The following MINDY4B variants were observed in gnomAD, a reference collection of about 807,000 sequenced individuals.
MINDY4B encodes the protein inactive ubiquitin carboxyl-terminal hydrolase MINDY-4B.
MINDY4B carries 25 observed loss-of-function variants against 16.7 expected under a neutral mutation model. The observed-to-expected ratio is 1.49, with a 90% confidence interval of 1.09 to 2.09. The LOEUF is 2.09. Among genes scored for constraint, MINDY4B ranks in the 30% most tolerant of loss-of-function variants. The pLI is 0.00. For missense variants in MINDY4B, 327 were observed against 168.4 expected (o/e 1.94, Z -5.21); for synonymous variants, 132 against 61.9 (o/e 2.13, Z -5.32).
chr3:150,897,846 T>TCTGGAA (rs1712017824), intron 3 of MINDY4B, among the ~76,000 whole-genome samples: 1 of 152,162 alleles, frequency 6.6e-6, no homozygotes, highest in Non-Finnish European at 1.5e-5. Flanking sequence ...GACACAGACT[T>TCTGGAA]GGTGTGTGCT....
At chr3:150,896,476 AGAGTT>A (rs1354197970) in intron 3 of MINDY4B, among the ~76,000 whole-genome samples, 3 of 152,112 alleles carry the variant, frequency 2.0e-5, no homozygotes, top group Non-Finnish European at 4.4e-5. Context: ...CCATATTACC[AGAGTT>A]GGTTTTCTTG....
intron 10 of MINDY4B, among the ~76,000 whole-genome samples, chr3:150,874,813 ATCT>A (rs1717054492): frequency 6.6e-6 from 1 of 152,204 alleles, no homozygotes; most frequent in Non-Finnish European, 1.5e-5. Flanking sequence ...CTCTATTCAA[ATCT>A]TTTTGTTTCC....
At chr3:150,879,155 C>T (rs1402090651) in intron 10 of MINDY4B, among the ~76,000 whole-genome samples, 1 of 152,228 alleles carries the variant, frequency 6.6e-6, no homozygotes, top group Non-Finnish European at 1.5e-5. Context: ...AGAAGATATA[C>T]TCTTTCTTGT....
intron 10 of MINDY4B, among the ~76,000 whole-genome samples, chr3:150,876,738 C>T (rs1042354330): frequency 3.3e-5 from 5 of 151,956 alleles, no homozygotes; most frequent in East Asian, 1.9e-4. Flanking sequence ...CCAGGGCTGC[C>T]GTAGGAGTAA....
At chr3:150,893,699 G>C (rs866062644) in intron 4 of MINDY4B, among the ~76,000 whole-genome samples, 13 of 72,438 alleles carry the variant, frequency 1.8e-4, no homozygotes, top group East Asian at 1.3e-3. Context: ...TTTTTTTTGG[G>C]GGGGGGGGTG....
intron 6 of MINDY4B, chr3:150,890,603 T>C: frequency 4.1e-6 from 2 of 491,504 alleles, no homozygotes; most frequent in Non-Finnish European, 7.2e-6. Context: ...TTTAAAATCA[T>C]GTAATATCTT....
chr3:150,876,898 C>A (rs574445), intron 10 of MINDY4B, among the ~76,000 whole-genome samples: 28 of 151,872 alleles, frequency 1.8e-4, no homozygotes, highest in African/African-American at 6.8e-4. Context: ...GGTATTGGAA[C>A]CTCACACTCA....
At chr3:150,904,249 G>T (rs1712189145) in intron 2 of MINDY4B, among the ~76,000 whole-genome samples, 1 of 152,020 alleles carries the variant, frequency 6.6e-6, no homozygotes, top group African/African-American at 2.4e-5. Context: ...TTCTTTTAAA[G>T]ATTGTTTTAT....
At chr3:150,880,030 A>G (rs1470044168) in intron 10 of MINDY4B, among the ~76,000 whole-genome samples, 1 of 152,260 alleles carries the variant, frequency 6.6e-6, no homozygotes, top group Non-Finnish European at 1.5e-5. Flanking sequence ...TTATATGTCT[A>G]TAGAATATTC....
At chr3:150,891,170 G>A in intron 5 of MINDY4B, 67 bp from the exon 6 acceptor site, 2 of 663,886 alleles carry the variant, frequency 3.0e-6, no homozygotes, top group South Asian at 1.5e-5. Flanking sequence ...GAGATGGGAA[G>A]TAATTTGCTC....
At chr3:150,890,805 T>G in intron 6 of MINDY4B, 133 bp downstream of exon 6, 2 of 603,706 alleles carry the variant, frequency 3.3e-6, no homozygotes, top group Non-Finnish European at 6.0e-6. Flanking sequence ...CCTTGGTACC[T>G]GCCTCTTTGG....
Position 150,899,705 on chromosome 3 carries a change from G to A in MINDY4B, c.309+3544C>T, listed in dbSNP as rs116837567. Among the ~76,000 whole-genome samples, 505 of 152,214 alleles carry A rather than the reference G, an allele frequency of 3.3e-3. 4 individuals are homozygous for A. Among genetic ancestry groups the A allele is most frequent in the African/African-American group, 0.012 (478 of 41,532 alleles). ...CTCTCTACTGGGCAGAGGGTAGGTC[G>A]GAGAAGAGTGGACCATGCATCTGGA... On this transcript the variant is annotated intron_variant, in intron 3 of 11. Coordinates refer to ENST00000465419, the MANE Select transcript of MINDY4B (RefSeq NM_001351281.2).
chr3:150,871,828 G>C (rs1485410363), intron 11 of MINDY4B, among the ~76,000 whole-genome samples: 1 of 152,144 alleles, frequency 6.6e-6, no homozygotes, highest in African/African-American at 2.4e-5. Context: ...CTGGGCGACA[G>C]AGTGAGACTC....
chr3:150,872,235 A>T (rs562776915), intron 11 of MINDY4B, among the ~76,000 whole-genome samples: 1 of 152,372 alleles, frequency 6.6e-6, no homozygotes, highest in African/African-American at 2.4e-5. Flanking sequence ...AAACAACAAT[A>T]TATTTTAAGG....
intron 10 of MINDY4B, among the ~76,000 whole-genome samples, chr3:150,880,759 G>A (rs912331451): frequency 4.6e-5 from 7 of 152,060 alleles, no homozygotes; most frequent in African/African-American, 1.2e-4. Context: ...TTTTTGTGTC[G>A]TCACCACTAG....
Position 150,891,400 on chromosome 3 carries a change from G to A in MINDY4B, c.522-297C>T, listed in dbSNP as rs540935712. ...CTATAGTCTTTATAAAGAAACACGC[G>A]ATAAAGATTTATTAATTAACTCAGC... On this transcript the variant is annotated intron_variant, in intron 5 of 11. Transcript: ENST00000465419. Among the ~76,000 whole-genome samples the A allele has an allele frequency of 5.3e-5, 8 of 152,264 alleles. No homozygotes were observed. In the South Asian group the frequency reaches 8.3e-4, roughly 16 times the overall value.
chr3:150,893,196 C>T (rs1164842625), intron 5 of MINDY4B, 128 bp downstream of exon 5: 1 of 648,904 alleles, frequency 1.5e-6, no homozygotes, highest in Non-Finnish European at 2.8e-6. Flanking sequence ...CTGGGACAGA[C>T]AGGGCCATTT....
rs1019807232 is a variant in MINDY4B at position 150,893,382 on chromosome 3, C to T, written c.463G>A (p.Gly155Arg). Residue 155 changes from glycine (G) to arginine (R), a missense_variant, in exon 5 of 12, where the codon GGA becomes AGA. Gly to Arg is a moderately radical substitution (Grantham distance 125, BLOSUM62 -2). Transcript: ENST00000465419. The part of the protein sequence containing the change: ...GARSIQMAVQ[G>R]SIIKYLLFTR... ...AACAACAAGTATTTGATGATGGATC[C>T]TTGCACAGCCATCTGAATGCTTCGG... 1.4e-6 allele frequency: 1 copy of T among 702,598 alleles called. No homozygotes were observed. The highest frequency in any genetic ancestry group is 1.7e-5 in the African/African-American group (1 of 57,204). The allele number at this position is 702,598 out of a possible 1,614,324, so 43.5% of individuals were successfully genotyped here.
intron 10 of MINDY4B, among the ~76,000 whole-genome samples, chr3:150,874,005 A>ATT (rs558319330): frequency 0.15 from 12,005 of 81,914 alleles, 1,630 homozygotes; most frequent in South Asian, 0.22. Flanking sequence ...TTTAGCCTTG[A>ATT]TTTTTTTTTT....
Sources: gnomAD v4.1 joint callset for allele counts (sites outside exome capture counted in the v4.1 genomes callset) on GRCh38, gnomAD v4.1.1 for gene constraint, MANE v1.5 for transcripts, NCBI Gene and HGNC (gene_info 2026-07-23, HGNC 2026-07-21) for gene names.